The following CTSC variants were observed in gnomAD, a reference collection of about 807,000 sequenced individuals.
The protein encoded by CTSC is dipeptidyl peptidase 1.
CTSC carries 37 observed loss-of-function variants against 40.9 expected under a neutral mutation model. That is an observed-to-expected ratio of 0.91 (90% CI 0.70 to 1.19). The LOEUF is 1.19. CTSC is among the 50% of genes most tolerant of loss of function. The pLI is 0.00. For missense variants in CTSC, 594 were observed against 567.3 expected (o/e 1.05, Z -0.48); for synonymous variants, 232 against 207.4 (o/e 1.12, Z -1.02).
At chr11:88,303,350 A>G (rs1271177514) in intron 4 of CTSC, among the ~76,000 whole-genome samples, 1 of 152,030 alleles carries the variant, frequency 6.6e-6, no homozygotes, top group Non-Finnish European at 1.5e-5. Context: ...ACTGCCCCCT[A>G]CTTCTCATGC....
chr11:88,337,167 C>T (rs1451615), intron 1 of CTSC, among the ~76,000 whole-genome samples: 6,980 of 152,218 alleles, frequency 0.046, 224 homozygotes, highest in East Asian at 0.13. Flanking sequence ...TTAAAAATAA[C>T]GCTACCAGAT....
chr11:88,316,404 G>A (rs966110295), intron 2 of CTSC, among the ~76,000 whole-genome samples: 2 of 151,990 alleles, frequency 1.3e-5, no homozygotes, highest in Non-Finnish European at 2.9e-5. Flanking sequence ...GAGGCCAGGT[G>A]TTTTGAGGTT....
intron 3 of CTSC, among the ~76,000 whole-genome samples, chr11:88,311,275 GCCAA>G (rs1565255894): frequency 1.3e-5 from 2 of 152,298 alleles, no homozygotes; most frequent in East Asian, 3.9e-4. Context: ...CTAGGATCAA[GCCAA>G]ACAAAGCTAT....
intron 4 of CTSC, among the ~76,000 whole-genome samples, chr11:88,308,565 G>A (rs1054301352): frequency 6.7e-6 from 1 of 150,056 alleles, no homozygotes; most frequent in Non-Finnish European, 1.5e-5. Context: ...CCTGGACCCA[G>A]CAACCCCACT....
At chr11:88,296,303 T>G in intron 5 of CTSC, 39 bp from the exon 6 acceptor site, 1 of 1,611,606 alleles carries the variant, frequency 6.2e-7, no homozygotes, top group Non-Finnish European at 8.5e-7. Flanking sequence ...AAGAGACATC[T>G]GAAGCCTCAC....
At chr11:88,318,042 G>C (rs1216610325) in intron 2 of CTSC, among the ~76,000 whole-genome samples, 1 of 152,166 alleles carries the variant, frequency 6.6e-6, no homozygotes, top group Non-Finnish European at 1.5e-5. Context: ...TTTTGGAATT[G>C]AAGTTATTTT....
intron 2 of CTSC, among the ~76,000 whole-genome samples, chr11:88,330,625 G>A (rs979137064): frequency 2.6e-5 from 4 of 152,048 alleles, no homozygotes; most frequent in African/African-American, 9.7e-5. Context: ...TGGGATTACA[G>A]GTATGAGTCA....
At chr11:88,321,155 T>G (rs1181459704) in intron 2 of CTSC, 11 of 518,160 alleles carry the variant, frequency 2.1e-5, no homozygotes, top group Non-Finnish European at 2.7e-5. Flanking sequence ...TTTAAATTTT[T>G]TAAGTTCCAG....
intron 2 of CTSC, among the ~76,000 whole-genome samples, chr11:88,314,719 G>T (rs1026912511): frequency 6.6e-6 from 1 of 152,088 alleles, no homozygotes; most frequent in African/African-American, 2.4e-5. Flanking sequence ...GTAGAGATAG[G>T]GTTTCACCAT....
chr11:88,320,784 A>C, intron 2 of CTSC: 1 of 959,104 alleles, frequency 1.0e-6, no homozygotes, highest in South Asian at 4.8e-5. Context: ...ACTTCAAAGA[A>C]CACATCAATA....
chr11:88,306,519 C>T lies in CTSC; in HGVS notation c.641+2644G>A, dbSNP rs933802207. ...CATCCAGAGGAGCAGAGGAACAGAG[C>T]GGCACAGAGCTGTGGAGAGTGGTGG... On this transcript the variant is annotated intron_variant, in intron 4 of 6. Transcript: ENST00000227266. Among the ~76,000 whole-genome samples the T allele has an allele frequency of 4.6e-5, 7 of 151,658 alleles. No individual in the cohort carries two copies. The East Asian group carries it at 9.7e-4, about 21-fold the overall frequency.
At chr11:88,334,836 T>C (rs217075) in intron 2 of CTSC, 101 bp downstream of exon 2, 2 of 893,370 alleles carry the variant, frequency 2.2e-6, no homozygotes, top group South Asian at 2.8e-5. Context: ...ATTCCGGTCA[T>C]CTTCTTAATC....
intron 5 of CTSC, chr11:88,297,478 A>C (rs1010305982): frequency 6.6e-6 from 1 of 152,192 alleles, no homozygotes; most frequent in Non-Finnish European, 1.5e-5. Flanking sequence ...CATGAAAGGA[A>C]ACCAATGTCA....
intron 2 of CTSC, chr11:88,325,747 G>A (rs937437182): frequency 1.0e-6 from 1 of 985,156 alleles, no homozygotes; most frequent in Admixed American, 6.1e-5. Flanking sequence ...CTGGCCAGAG[G>A]TACTGGAGGT....
At chr11:88,317,340 C>A (rs1937903041) in intron 2 of CTSC, among the ~76,000 whole-genome samples, 1 of 152,206 alleles carries the variant, frequency 6.6e-6, no homozygotes, top group African/African-American at 2.4e-5. Context: ...TAAAAAACTA[C>A]AACTTTGTTT....
Position 88,312,378 on chromosome 11 carries a change from A to G in CTSC, c.485+10T>C. On this transcript the variant is annotated intron_variant, in intron 3 of 6. Transcript: ENST00000227266. Reference sequence around the variant, plus strand: ...AAAACTAAACGTATGTCTCATTTGTAGCAACTCACTTTTCCTGAGAATTCT... The same window carrying G: ...AAAACTAAACGTATGTCTCATTTGTGGCAACTCACTTTTCCTGAGAATTCT... 1 of 1,613,598 alleles carries G rather than the reference A, an allele frequency of 6.2e-7. No individual in the cohort carries two copies. The highest frequency in any genetic ancestry group is 8.5e-7 in the Non-Finnish European group (1 of 1,179,522).
intron 4 of CTSC, among the ~76,000 whole-genome samples, chr11:88,306,314 G>T (rs538278919): frequency 6.6e-6 from 1 of 152,232 alleles, no homozygotes; most frequent in South Asian, 2.1e-4. Flanking sequence ...GGAAATACTG[G>T]GTAGAAGAGG....
chr11:88,335,006 A>G lies in CTSC; in HGVS notation c.249T>C (p.His83=). 1.2e-6 allele frequency: 2 copies of G among 1,609,406 alleles called. No individual in the cohort carries two copies. The highest frequency in any genetic ancestry group is 1.7e-6 in the Non-Finnish European group (2 of 1,175,830). Reference sequence around the variant, plus strand: ...AGCCTTGGTTGTAAATGATGGTGAAATGGCCAGAATTGCCAAGGTCATCAT... The same window carrying G: ...AGCCTTGGTTGTAAATGATGGTGAAGTGGCCAGAATTGCCAAGGTCATCAT... ...TAYDDLGNSG[H]FTIIYNQGFE... is the part of the protein sequence containing the mutation. Residue 83 remains histidine, a synonymous_variant, in exon 2 of 7, where the codon CAT becomes CAC. Transcript: ENST00000227266.
intron 2 of CTSC, chr11:88,325,370 T>C: frequency 1.1e-5 from 11 of 985,392 alleles, no homozygotes; most frequent in Non-Finnish European, 1.3e-5. Flanking sequence ...AAGGCAGTTC[T>C]TCTCTTAAAA....
Sources: allele counts gnomAD v4.1 joint callset (sites outside exome capture counted in the v4.1 genomes callset), GRCh38; gene constraint gnomAD v4.1.1; transcripts MANE v1.5; gene names NCBI Gene and HGNC (gene_info 2026-07-23, HGNC 2026-07-21).